AGBL3: variants seen among roughly 807,000 people sequenced by gnomAD.
AGBL3 encodes AGBL carboxypeptidase 3, also known as cytosolic carboxypeptidase 3.
Under a neutral mutation model 94.5 loss-of-function variants are expected in AGBL3, and 68 were observed. The observed-to-expected ratio is 0.72, with a 90% CI of 0.59 to 0.88. The LOEUF (loss-of-function observed/expected upper bound fraction) is 0.88. Among genes scored for constraint, AGBL3 ranks in the 40% least tolerant of loss-of-function variants. The pLI is 0.00. For synonymous variants in AGBL3, 354 were observed against 370.7 expected, an observed-to-expected ratio of 0.95 and a Z score of 0.52; for missense variants, 934 against 1,103.8, an observed-to-expected ratio of 0.85 and a Z score of 2.18.
intron 5 of AGBL3, among the ~76,000 whole-genome samples, chr7:135,020,200 TCAAA>T (rs1389462911): frequency 9.3e-6 from 1 of 107,860 alleles, no homozygotes; most frequent in African/African-American, 3.2e-5. Flanking sequence ...TACAAAGAAC[TCAAA>T]CAAATTTACA....
chr7:135,101,415 C>A, intron 15 of AGBL3: 2 of 337,718 alleles, frequency 5.9e-6, no homozygotes, highest in South Asian at 4.8e-5. Context: ...CTATTTTAGT[C>A]CTGTCTGTGA....
chr7:135,128,187 G>A (rs1439543362), intron 16 of AGBL3, among the ~76,000 whole-genome samples: 2 of 150,696 alleles, frequency 1.3e-5, no homozygotes, highest in Non-Finnish European at 3.0e-5. Context: ...AGCTACTCGG[G>A]AGGCTGCGAC....
chr7:135,048,751 T>C (rs1817604289), intron 11 of AGBL3, among the ~76,000 whole-genome samples: 2 of 111,170 alleles, frequency 1.8e-5, no homozygotes, highest in South Asian at 3.8e-4. Flanking sequence ...GTTCTCACAG[T>C]TGTTTTTTTT....
chr7:135,128,759 C>G (rs1430754752), intron 16 of AGBL3: 20 of 1,351,482 alleles, frequency 1.5e-5, no homozygotes, highest in Non-Finnish European at 2.0e-5. Context: ...TCTCCCAACA[C>G]AGAGCTAGAT....
chr7:135,028,806 C>T (rs907784664), intron 5 of AGBL3, among the ~76,000 whole-genome samples: 1 of 152,166 alleles, frequency 6.6e-6, no homozygotes, highest in Non-Finnish European at 1.5e-5. Flanking sequence ...TATAGCCTTA[C>T]AAAATCTATT....
chr7:135,071,471 A>G (rs1046754833), intron 12 of AGBL3, among the ~76,000 whole-genome samples: 6 of 152,212 alleles, frequency 3.9e-5, no homozygotes, highest in African/African-American at 1.4e-4. Context: ...CTAAGCCAAA[A>G]GAACAAAGCT....
intron 16 of AGBL3, among the ~76,000 whole-genome samples, chr7:135,118,189 G>A (rs548735580): frequency 2.6e-5 from 4 of 151,944 alleles, no homozygotes; most frequent in South Asian, 4.2e-4. Flanking sequence ...AGCTTGAATT[G>A]GTTTCTGTTA....
At chr7:135,028,055 C>A (rs1815337215) in intron 5 of AGBL3, among the ~76,000 whole-genome samples, 1 of 151,548 alleles carries the variant, frequency 6.6e-6, no homozygotes. Flanking sequence ...CATCTTTGCC[C>A]TAATTAGAAA....
intron 2 of AGBL3, chr7:134,988,300 A>G (rs1584728546): frequency 3.8e-6 from 1 of 262,800 alleles, no homozygotes; most frequent in East Asian, 1.1e-4. Flanking sequence ...ATTGATGTCC[A>G]CTTATTTTCT....
intron 16 of AGBL3, among the ~76,000 whole-genome samples, chr7:135,122,013 G>GAA (rs1444079812): frequency 6.6e-6 from 1 of 152,220 alleles, no homozygotes; most frequent in African/African-American, 2.4e-5. Context: ...TAAGCCTACA[G>GAA]AGCTCCCCAG....
chr7:134,987,040 G>A (rs541174032), intron 1 of AGBL3, among the ~76,000 whole-genome samples: 1 of 152,392 alleles, frequency 6.6e-6, no homozygotes, highest in African/African-American at 2.4e-5. Context: ...AGGCCAGTCG[G>A]ATTTTCCAAA....
rs573960818 is a variant in AGBL3 at position 135,045,821 on chromosome 7, T to C, written c.1751T>C (p.Leu584Ser). 31 of 1,550,236 alleles carry C rather than the reference T, an allele frequency of 2.0e-5. No individual in the cohort carries two copies. The South Asian group carries it at 2.7e-4, about 14-fold the overall frequency. ...RTKYYRCLKE[L>S]EEMERHITLE... is the part of the protein sequence containing the mutation. ...TAGTATTATCGGTGCCTGAAAGAAT[T>C]AGAAGAAATGGAAAGACATATAACC... Residue 584 changes from leucine (L) to serine (S), a missense_variant, in exon 11 of 17, where the codon TTA (leucine) becomes TCA (serine). Around this residue, in one of 3 missense-constraint regions of AGBL3, gnomAD observed 441 missense variants for 518.2 expected, o/e 0.85. Transcript: ENST00000436302.
rs543865947 is a variant in AGBL3 at position 135,011,130 on chromosome 7, G to A, written c.311-5922G>A. 2.1e-3 allele frequency: 317 copies of A among 152,250 alleles called. 1 individual carries two copies. Among genetic ancestry groups the A allele is most frequent in the African/African-American group, 7.2e-3 (301 of 41,560 alleles). The allele number at this position is 152,250 out of a possible 1,614,324, so 9.4% of individuals were successfully genotyped here. A position where few individuals can be genotyped will look rare whatever the true frequency, so the allele number is the denominator to read the frequency against. Reference sequence around the variant, plus strand: ...ACAGAGAGCTTAGAAACAGACCTATGCATATATGGTCATTATGACAAAGGT... The same window carrying A: ...ACAGAGAGCTTAGAAACAGACCTATACATATATGGTCATTATGACAAAGGT... On this transcript the variant is annotated intron_variant, in intron 4 of 16. Transcript: ENST00000436302.
chr7:135,052,473 G>A (rs762001800), intron 11 of AGBL3, among the ~76,000 whole-genome samples: 1 of 152,048 alleles, frequency 6.6e-6, no homozygotes, highest in South Asian at 2.1e-4. Context: ...CTTGTTACAC[G>A]TATTTATTGC....
intron 4 of AGBL3, among the ~76,000 whole-genome samples, chr7:135,000,914 T>G (rs1443285525): frequency 6.6e-6 from 1 of 152,144 alleles, no homozygotes; most frequent in Non-Finnish European, 1.5e-5. Context: ...TAACACGTCA[T>G]TGATTAAAGG....
At chr7:135,007,750 A>G (rs1812574208) in intron 4 of AGBL3, among the ~76,000 whole-genome samples, 1 of 152,058 alleles carries the variant, frequency 6.6e-6, no homozygotes, top group Non-Finnish European at 1.5e-5. Flanking sequence ...AATTTTGTAC[A>G]TAGAAAATCC....
At chr7:134,995,632 C>G (rs1810916866) in intron 4 of AGBL3, 1 of 152,182 alleles carries the variant, frequency 6.6e-6, no homozygotes. Context: ...TGCCTCCTTT[C>G]AGATATCTTA....
chr7:135,034,928 G>A lies in AGBL3; in HGVS notation c.1337G>A (p.Arg446Lys), dbSNP rs1158689333. 39 of 1,484,164 alleles carry A rather than the reference G, an allele frequency of 2.6e-5. No homozygotes were observed. The highest frequency in any genetic ancestry group is 3.5e-5 in the Non-Finnish European group (39 of 1,118,602). 91.9% of individuals were successfully genotyped at this position (1,484,164 alleles called of 1,614,324 possible). A position where few individuals can be genotyped will look rare whatever the true frequency, so the allele number is the denominator to read the frequency against. ...TGGTATACCCGGAACATGGTTCATAGGTAAAATAAGCCTCAAATTACCTCT... is the reference window on the plus strand; with the variant it reads ...TGGTATACCCGGAACATGGTTCATAAGTAAAATAAGCCTCAAATTACCTCT... ...SVWYTRNMVHRLMEKREVILY... is the reference protein window; with the variant it reads ...SVWYTRNMVHKLMEKREVILY... The change falls in exon 7 of 17, where the codon AGA becomes AAA. Residue 446 changes from arginine (R) to lysine (K), a missense_variant and splice_region_variant. This residue lies in a region of AGBL3 where 488 missense variants were observed against 563.6 expected (regional missense o/e 0.87). Coordinates refer to ENST00000436302, the MANE Select transcript of AGBL3 (RefSeq NM_178563.4).
At chr7:135,073,711 C>T (rs970438162) in intron 12 of AGBL3, among the ~76,000 whole-genome samples, 6 of 151,606 alleles carry the variant, frequency 4.0e-5, no homozygotes, top group African/African-American at 1.5e-4. Flanking sequence ...GGGTCATGAC[C>T]GATTGAGCAA....
Sources: allele counts gnomAD v4.1 joint callset (sites outside exome capture counted in the v4.1 genomes callset), GRCh38; gene constraint gnomAD v4.1.1; regional missense constraint gnomAD v4.1.1; transcripts MANE v1.5; gene names NCBI Gene and HGNC (gene_info 2026-07-23, HGNC 2026-07-21).